PTPRT: variants seen among roughly 807,000 people sequenced by gnomAD.
PTPRT encodes receptor-type tyrosine-protein phosphatase T.
Under a neutral mutation model 176.8 loss-of-function variants are expected in PTPRT, and 56 were observed. That is an observed-to-expected ratio of 0.32 (90% CI 0.26 to 0.40). The LOEUF (loss-of-function observed/expected upper bound fraction) is 0.40, where lower values mean the gene tolerates loss of function less well. Ranked by LOEUF, PTPRT falls within the 10% of genes least tolerant of loss-of-function variation. The pLI is 1.00. For synonymous variants in PTPRT, 783 were observed against 739.0 expected (o/e 1.06, Z -0.96); for missense variants, 1,540 against 1,908.2 (o/e 0.81, Z 3.60).
At position 43,143,839 on chromosome 20, in the gene PTPRT, G is replaced by C. The variant is rs532909602; in HGVS notation, c.88+45807C>G. Among the ~76,000 whole-genome samples the C allele has an allele frequency of 1.6e-4, 24 of 152,286 alleles. No homozygotes were observed. The South Asian group carries it at 5.0e-3, about 32-fold the overall frequency. The stretch of plus-strand genomic sequence containing the variant: ...ATGGCCATTCAACTGGAGCAAACAA[G>C]ACCAGACCAGGATGGTGTCTAGAGT... On this transcript the variant is annotated intron_variant, in intron 1 of 30. Coordinates refer to ENST00000373187, the MANE Select transcript of PTPRT (RefSeq NM_007050.6).
intron 7 of PTPRT, among the ~76,000 whole-genome samples, chr20:42,648,820 GTTTTTTTT>G (rs68036487): frequency 8.9e-6 from 1 of 111,834 alleles, no homozygotes; most frequent in East Asian, 2.5e-4. Context: ...TGGTGTCGTT[GTTTTTTTT>G]TTTTTTTTTT....
chr20:42,534,253 C>T (rs562697268), intron 7 of PTPRT, among the ~76,000 whole-genome samples: 43 of 152,296 alleles, frequency 2.8e-4, no homozygotes, highest in South Asian at 1.0e-3. Flanking sequence ...ACAGTGAGAA[C>T]GCTTTTGAAT....
intron 9 of PTPRT, among the ~76,000 whole-genome samples, chr20:42,447,582 A>G (rs1333005784): frequency 6.6e-6 from 1 of 152,186 alleles, no homozygotes; most frequent in African/African-American, 2.4e-5. Flanking sequence ...TTTGTTTTGC[A>G]ATAAACTTTC....
At chr20:42,415,027 G>A (rs759256733) in intron 9 of PTPRT, among the ~76,000 whole-genome samples, 6 of 152,114 alleles carry the variant, frequency 3.9e-5, no homozygotes, top group African/African-American at 7.2e-5. Flanking sequence ...ACAGCCCAAC[G>A]GAAAATACTA....
At chr20:42,617,809 A>G (rs374936815) in intron 7 of PTPRT, among the ~76,000 whole-genome samples, 1 of 137,338 alleles carries the variant, frequency 7.3e-6, no homozygotes, top group African/African-American at 3.2e-5. Flanking sequence ...TTTTTATTGC[A>G]TCTATTTGAT....
chr20:43,180,480 T>C (rs889184550), intron 1 of PTPRT, among the ~76,000 whole-genome samples: 6 of 145,440 alleles, frequency 4.1e-5, no homozygotes, highest in African/African-American at 1.5e-4. Flanking sequence ...ATTTTTTTTT[T>C]CAAACAGAGT....
intron 11 of PTPRT, among the ~76,000 whole-genome samples, chr20:42,343,080 C>T (rs1037478730): frequency 6.6e-6 from 1 of 152,092 alleles, no homozygotes; most frequent in East Asian, 1.9e-4. Context: ...CCCTGTGCAC[C>T]ATGCCTCAAG....
intron 9 of PTPRT, among the ~76,000 whole-genome samples, chr20:42,354,088 T>C (rs535543758): frequency 9.2e-5 from 14 of 152,160 alleles, no homozygotes; most frequent in Non-Finnish European, 1.9e-4. Flanking sequence ...TATGGTATAA[T>C]ATACATACAG....
Position 43,136,162 on chromosome 20 carries a change from AG to A in PTPRT, c.88+53483del, listed in dbSNP as rs1303591458. On this transcript the variant is annotated intron_variant, in intron 1 of 30. Coordinates refer to ENST00000373187, the MANE Select transcript of PTPRT (RefSeq NM_007050.6). The stretch of plus-strand genomic sequence containing the variant: ...GCAGCTGCAGCCCGGCTTTAGCACA[AG>A]TAATTAATGGCGAGCCAGAATACCC... Among the ~76,000 whole-genome samples, 3 of 152,340 alleles carry A rather than the reference AG, an allele frequency of 2.0e-5. No individual in the cohort carries two copies. In the East Asian group the frequency reaches 5.8e-4, roughly 29 times the overall value.
At chr20:42,240,486 T>C (rs1317080678) in intron 14 of PTPRT, among the ~76,000 whole-genome samples, 1 of 152,194 alleles carries the variant, frequency 6.6e-6, no homozygotes, top group African/African-American at 2.4e-5. Flanking sequence ...CCAAACTTAA[T>C]AAATCACATA....
Position 42,835,055 on chromosome 20 carries a change from A to G in PTPRT, c.215-43589T>C, listed in dbSNP as rs1046077452. 1.1e-4 allele frequency among the ~76,000 whole-genome samples: 17 copies of G among 152,322 alleles called. No individual in the cohort carries two copies. In the East Asian group the frequency reaches 3.3e-3, roughly 29 times the overall value. ...GAAAGTAAACCCCACACAAAAAAAG[A>G]ACTCATGGGACCTAGAAAAAGGAGA... On this transcript the variant is annotated intron_variant, in intron 2 of 30. Coordinates refer to ENST00000373187, the MANE Select transcript of PTPRT (RefSeq NM_007050.6).
intron 16 of PTPRT, among the ~76,000 whole-genome samples, chr20:42,168,458 C>T (rs80305767): frequency 0.011 from 1,705 of 152,312 alleles, 13 homozygotes; most frequent in Non-Finnish European, 0.019. Context: ...CTCCCCTCTT[C>T]TCCCTCACAA....
chr20:42,803,463 T>A (rs1482807345), intron 2 of PTPRT, among the ~76,000 whole-genome samples: 1 of 152,254 alleles, frequency 6.6e-6, no homozygotes, highest in African/African-American at 2.4e-5. Flanking sequence ...CCACTGGATG[T>A]TCCCTGCTTT....
At chr20:42,091,506 T>G (rs1984615380) in intron 27 of PTPRT, among the ~76,000 whole-genome samples, 2 of 152,222 alleles carry the variant, frequency 1.3e-5, no homozygotes, top group African/African-American at 4.8e-5. Context: ...AAAGGCCAAG[T>G]AATATCATCA....
intron 9 of PTPRT, among the ~76,000 whole-genome samples, chr20:42,366,270 C>G (rs1004325009): frequency 2.6e-5 from 4 of 152,236 alleles, no homozygotes; most frequent in Non-Finnish European, 4.4e-5. Flanking sequence ...TGCCCATTGG[C>G]AGATGGGTGG....
At position 43,080,299 on chromosome 20, in the gene PTPRT, A is replaced by T. The variant is rs7271977; in HGVS notation, c.88+109347T>A. Among the ~76,000 whole-genome samples, 6 of 152,040 alleles carry T rather than the reference A, an allele frequency of 3.9e-5. No individual in the cohort carries two copies. In the East Asian group the frequency reaches 1.2e-3, roughly 29 times the overall value. On this transcript the variant is annotated intron_variant, in intron 1 of 30. Transcript: ENST00000373187. ...GCTGCTCCTCCAGCCTGGCTCCTGC[A>T]GTGACGACTACAGAGAGCAGAAACA... is the stretch of plus-strand genomic sequence containing the variant.
chr20:42,786,905 T>C (rs567513544), intron 3 of PTPRT, among the ~76,000 whole-genome samples: 7 of 152,334 alleles, frequency 4.6e-5, no homozygotes, highest in East Asian at 1.9e-4. Flanking sequence ...GACTTCACTA[T>C]GCAACTCTGG....
At chr20:42,728,183 T>A (rs928890628) in intron 6 of PTPRT, among the ~76,000 whole-genome samples, 1 of 152,208 alleles carries the variant, frequency 6.6e-6, no homozygotes, top group Non-Finnish European at 1.5e-5. Flanking sequence ...ACAACTGTCA[T>A]ACCTTATCTC....
intron 1 of PTPRT, among the ~76,000 whole-genome samples, chr20:42,940,890 A>C (rs1405021405): frequency 1.3e-5 from 2 of 151,850 alleles, no homozygotes; most frequent in Non-Finnish European, 2.9e-5. Flanking sequence ...AACCAGCCTG[A>C]CCAATAAGGT....
Sources: gnomAD v4.1 joint callset for allele counts (sites outside exome capture counted in the v4.1 genomes callset) on GRCh38, gnomAD v4.1.1 for gene constraint, MANE v1.5 for transcripts, NCBI Gene and HGNC (gene_info 2026-07-23, HGNC 2026-07-21) for gene names.